The following TAGAP variants were observed in gnomAD, a reference collection of about 807,000 sequenced individuals.
TAGAP encodes T cell activation RhoGTPase activating protein.
A neutral mutation model predicts 36.0 loss-of-function variants in TAGAP; 16 were observed. The ratio of observed to expected loss-of-function variants is 0.44; its 90% CI spans 0.30 to 0.68. The LOEUF (loss-of-function observed/expected upper bound fraction) is 0.68. Among genes scored for constraint, TAGAP ranks in the 30% least tolerant of loss-of-function variants. The probability of loss-of-function intolerance (pLI) is 0.09; values close to 1 mark genes in which losing one functional copy is unlikely to be tolerated. For missense variants in TAGAP, 794 were observed against 921.5 expected (o/e 0.86, Z 1.79); for synonymous variants, 372 against 377.4 (o/e 0.99, Z 0.17).
At position 159,041,527 on chromosome 6, in the gene TAGAP, A is replaced by C; in HGVS notation, c.316-12T>G. On this transcript the variant is annotated splice_polypyrimidine_tract_variant and intron_variant, in intron 5 of 9. Coordinates refer to ENST00000367066, the MANE Select transcript of TAGAP (RefSeq NM_054114.5). The surrounding 1 kb of genome is among the most constrained non-coding windows in gnomAD (Gnocchi z 4.1). Reference sequence around the variant, plus strand: ...ATAGTGAGAATGTCCTAAAGGAAACAGCAATAGGAACAGGAAAGGGTTACC... The same window carrying C: ...ATAGTGAGAATGTCCTAAAGGAAACCGCAATAGGAACAGGAAAGGGTTACC... 1 of 1,612,224 alleles carries C rather than the reference A, an allele frequency of 6.2e-7. No homozygotes were observed. The highest frequency in any genetic ancestry group is 1.1e-5 in the South Asian group (1 of 90,908).
chr6:159,035,896 G>T lies in TAGAP; in HGVS notation c.2127C>A (p.Leu709=), dbSNP rs1562583369. 2.5e-6 allele frequency: 4 copies of T among 1,612,774 alleles called. No individual in the cohort carries two copies. The highest frequency in any genetic ancestry group is 3.4e-6 in the Non-Finnish European group (4 of 1,178,816). Residue 709 remains leucine (L), a synonymous_variant, in exon 10 of 10, where the codon CTC becomes CTA. Coordinates refer to ENST00000367066, the MANE Select transcript of TAGAP (RefSeq NM_054114.5). ...AGACCGGCTGGCTACATCGTCGCAC[G>T]AGACAGTCCCGCTTATTCCTCTGCA... ...ESVQRNKRDC[L]VRRCSQPVFE... is the part of the protein sequence containing the mutation.
At chr6:159,038,838 C>T in intron 8 of TAGAP, 1 of 1,244,884 alleles carries the variant, frequency 8.0e-7, no homozygotes, top group Non-Finnish European at 1.0e-6. Flanking sequence ...GTGTACAAAA[C>T]ACAAAAACAA....
chr6:159,037,090 G>C lies in TAGAP; in HGVS notation c.933C>G (p.Asp311Glu). 1 of 1,611,908 alleles carries C rather than the reference G, an allele frequency of 6.2e-7. No individual in the cohort carries two copies. Among genetic ancestry groups the C allele is most frequent in the Non-Finnish European group, 8.5e-7 (1 of 1,180,014 alleles). ...VSTLQNDSAY[D>E]SNDPDVESNS... ...TGGATTCCACATCAGGGTCGTTGCTGTCGTAGGCTGAGTCATTCTGCAGGG... is the reference window on the plus strand; with the variant it reads ...TGGATTCCACATCAGGGTCGTTGCTCTCGTAGGCTGAGTCATTCTGCAGGG... Residue 311 changes from aspartate to glutamate, a missense_variant, in exon 10 of 10, where the codon GAC becomes GAG. Coordinates refer to ENST00000367066, the MANE Select transcript of TAGAP (RefSeq NM_054114.5). The surrounding 1 kb of genome is among the most constrained non-coding windows in gnomAD (Gnocchi z 5.1).
At chr6:159,043,676 GT>G (rs1189343256) in intron 3 of TAGAP, 21 bp from the exon 4 acceptor site, 18 of 1,607,272 alleles carry the variant, frequency 1.1e-5, no homozygotes, top group Non-Finnish European at 1.5e-5. Context: ...TTTTATTTCA[GT>G]TAAATATAGT....
In TAGAP at chr6:159,036,747, C is replaced by T. The variant is rs935383311; in HGVS notation, c.1276G>A (p.Val426Ile). 12 of 1,614,184 alleles carry T rather than the reference C, an allele frequency of 7.4e-6. No individual in the cohort carries two copies. The highest frequency in any genetic ancestry group is 1.7e-5 in the Admixed American group (1 of 60,028). ...GTTTTGCCTTGCACTGCAGGGAAGA[C>T]CTCCTCTGGAAATGGGTCTTCAGCC... ...EEAEDPFPEE[V>I]FPAVQGKTKR... The change falls in exon 10 of 10, where the codon GTC becomes ATC. Residue 426 changes from valine to isoleucine, a missense_variant. Val to Ile is a conservative substitution (Grantham distance 29). Transcript: ENST00000367066. This position sits in a 1 kb window ranked among gnomAD's most constrained non-coding sequence, Gnocchi z 4.9.
Position 159,036,708 on chromosome 6 carries a change from C to A in TAGAP, c.1315G>T (p.Asp439Tyr). 1 of 1,614,200 alleles carries A rather than the reference C, an allele frequency of 6.2e-7. No individual in the cohort carries two copies. The highest frequency in any genetic ancestry group is 1.7e-5 in the Admixed American group (1 of 60,028). The change falls in exon 10 of 10, where the codon GAC (aspartate) becomes TAC (tyrosine). Residue 439 changes from aspartate (D) to tyrosine (Y), a missense_variant. Coordinates refer to ENST00000367066, the MANE Select transcript of TAGAP (RefSeq NM_054114.5). The surrounding 1 kb of genome is among the most constrained non-coding windows in gnomAD (Gnocchi z 4.9). The part of the protein sequence containing the change: ...AVQGKTKRPV[D>Y]LKIKNLAPGS... The stretch of plus-strand genomic sequence containing the variant: ...GGGGCCAAGTTCTTGATCTTCAGGT[C>A]CACCGGCCTCTTGGTTTTGCCTTGC...
chr6:159,039,460 C>T (rs1779671105), intron 7 of TAGAP, 151 bp from the exon 8 acceptor site: 2 of 823,102 alleles, frequency 2.4e-6, no homozygotes, highest in East Asian at 2.7e-5. Context: ...CAGACACTTC[C>T]AGTGGCAACT....
In TAGAP at chr6:159,040,723, T is replaced by A; in HGVS notation, c.587A>T (p.Gln196Leu). ...ATGACCGATGACTTTGATGACTTAC[T>A]GTTTCAGGGCCTCGATTCTGTCCTC... ...DEEDRIEALK[Q>L]VADKLPRPNL... The change falls in exon 7 of 10, where the codon CAG becomes CTG. Residue 196 changes from glutamine to leucine, a missense_variant and splice_region_variant. Gln to Leu is a moderately radical substitution (Grantham distance 113, BLOSUM62 -2). Coordinates refer to ENST00000367066, the MANE Select transcript of TAGAP (RefSeq NM_054114.5). The A allele has an allele frequency of 6.2e-7, 1 of 1,613,734 alleles. No individual in the cohort carries two copies. The highest frequency in any genetic ancestry group is 8.5e-7 in the Non-Finnish European group (1 of 1,179,640).
At position 159,043,668 on chromosome 6, in the gene TAGAP, T is replaced by C. The variant is rs1779836262; in HGVS notation, c.82-13A>G. 3.1e-6 allele frequency: 5 copies of C among 1,612,642 alleles called. No individual in the cohort carries two copies. Among genetic ancestry groups the C allele is most frequent in the Non-Finnish European group, 4.2e-6 (5 of 1,178,866 alleles). ...CCTTGATATCACCCTAAAAACATTT[T>C]TATTTCAGTTAAATATAGTGACTGA... On this transcript the variant is annotated splice_polypyrimidine_tract_variant and intron_variant, in intron 3 of 9. Coordinates refer to ENST00000367066, the MANE Select transcript of TAGAP (RefSeq NM_054114.5).
chr6:159,042,635 T>A (rs1253845484), intron 4 of TAGAP: 10 of 165,450 alleles, frequency 6.0e-5, no homozygotes. Flanking sequence ...TAGATTATTT[T>A]GATTTCCTCC....
Position 159,044,198 on chromosome 6 carries a change from C to CAG in TAGAP, c.-53_-52insCT. 1 of 1,599,150 alleles carries CAG rather than the reference C, an allele frequency of 6.3e-7. No individual in the cohort carries two copies. Among genetic ancestry groups the CAG allele is most frequent in the Non-Finnish European group, 8.5e-7 (1 of 1,174,612 alleles). ...TGGATTTCACTCCCGTGTGGCTGTG[C>CAG]CTCTGTCTACAACGAATCACATGGA... On this transcript the variant is annotated 5_prime_UTR_variant, in exon 2 of 10. Transcript: ENST00000367066.
In TAGAP at chr6:159,038,897, C is replaced by T. The variant is rs577050739; in HGVS notation, c.783+217G>A. 41 of 1,410,692 alleles carry T rather than the reference C, an allele frequency of 2.9e-5. No individual in the cohort carries two copies. The East Asian group carries it at 1.0e-3, about 34-fold the overall frequency. 87.4% of individuals were successfully genotyped at this position (1,410,692 alleles called of 1,614,324 possible). On this transcript the variant is annotated intron_variant, in intron 8 of 9. Transcript: ENST00000367066. ...GAGTGATGTAAATACTCGCAGCACT[C>T]ATCTGTCTCACAGATGACAGAAGAC...
intron 8 of TAGAP, chr6:159,038,892 G>A: frequency 1.0e-5 from 14 of 1,404,062 alleles, no homozygotes; most frequent in Non-Finnish European, 1.2e-5. Context: ...AATACTCGCA[G>A]CACTCATCTG....
Position 159,041,253 on chromosome 6 carries a change from G to A in TAGAP, c.477+101C>T. ...AAAAAAATTAAACTCCAAGATCAGT[G>A]TACCTTGCTGTGTGGGGAGAAGAGC... is the stretch of plus-strand genomic sequence containing the variant. On this transcript the variant is annotated intron_variant, in intron 6 of 9. Coordinates refer to ENST00000367066, the MANE Select transcript of TAGAP (RefSeq NM_054114.5). This position sits in a 1 kb window ranked among gnomAD's most constrained non-coding sequence, Gnocchi z 4.1. 1 of 1,419,816 alleles carries A rather than the reference G, an allele frequency of 7.0e-7. No individual in the cohort carries two copies. The highest frequency in any genetic ancestry group is 9.6e-7 in the Non-Finnish European group (1 of 1,040,054). The allele number at this position is 1,419,816 out of a possible 1,614,324, so 88.0% of individuals were successfully genotyped here.
In TAGAP at chr6:159,043,960, TA is replaced by T; in HGVS notation, c.81+17del. 1.9e-6 allele frequency: 3 copies of T among 1,609,752 alleles called. No individual in the cohort carries two copies. The highest frequency in any genetic ancestry group is 2.5e-6 in the Non-Finnish European group (3 of 1,177,046). ...TTCTCACAGTACAGATAAAAAGTCT[TA>T]AAAATTGCTTTCTTACCTCTGATTG... On this transcript the variant is annotated intron_variant, in intron 3 of 9. Transcript: ENST00000367066.
At position 159,039,170 on chromosome 6, in the gene TAGAP, T is replaced by G; in HGVS notation, c.727A>C (p.Thr243Pro). 4 of 1,614,158 alleles carry G rather than the reference T, an allele frequency of 2.5e-6. No individual in the cohort carries two copies. The highest frequency in any genetic ancestry group is 3.4e-6 in the Non-Finnish European group (4 of 1,180,040). ...GACAGGCTCTGGTCATTCTCCAGGG[T>G]GAGCATGTTGGGTCCAATGCAGATG... ...LAICIGPNML[T>P]LENDQSLSFE... The change falls in exon 8 of 10, where the codon ACC becomes CCC. Residue 243 changes from threonine (T) to proline (P), a missense_variant. Thr to Pro is a conservative substitution (Grantham distance 38). Coordinates refer to ENST00000367066, the MANE Select transcript of TAGAP (RefSeq NM_054114.5).
chr6:159,036,875 G>C lies in TAGAP; in HGVS notation c.1148C>G (p.Ser383Cys). The C allele has an allele frequency of 6.2e-7, 1 of 1,614,234 alleles. No individual in the cohort carries two copies. The highest frequency in any genetic ancestry group is 8.5e-7 in the Non-Finnish European group (1 of 1,180,040). ...DRRYSEPSMP[S>C]SQECLESRVT... ...CCGGCTCTCGAGGCACTCCTGGGAG[G>C]ATGGCATGCTGGGCTCTGAGTATCT... The change falls in exon 10 of 10, where the codon TCC (serine) becomes TGC (cysteine). Residue 383 changes from serine to cysteine, a missense_variant. By Grantham distance (112) the Ser-to-Cys change is moderately radical (BLOSUM62 -1). Transcript: ENST00000367066. This position sits in a 1 kb window ranked among gnomAD's most constrained non-coding sequence, Gnocchi z 4.9.
chr6:159,039,416 G>T, intron 7 of TAGAP, 107 bp from the exon 8 acceptor site: 2 of 1,177,826 alleles, frequency 1.7e-6, no homozygotes, highest in Non-Finnish European at 2.4e-6. Context: ...TGAGGAAGGT[G>T]CATTTTCACA....
chr6:159,038,240 A>G lies in TAGAP; in HGVS notation c.784-12T>C. 1 of 1,413,342 alleles carries G rather than the reference A, an allele frequency of 7.1e-7. No individual in the cohort carries two copies. The highest frequency in any genetic ancestry group is 9.9e-7 in the Non-Finnish European group (1 of 1,006,872). The allele number at this position is 1,413,342 out of a possible 1,614,324, so 87.6% of individuals were successfully genotyped here. The stretch of plus-strand genomic sequence containing the variant: ...ACCAGTGTCTTCACCTGTGAGGAAA[A>G]GTAAGCAATTTGTCAGCTTGAAGAC... On this transcript the variant is annotated splice_polypyrimidine_tract_variant and intron_variant, in intron 8 of 9. Coordinates refer to ENST00000367066, the MANE Select transcript of TAGAP (RefSeq NM_054114.5).
Sources: allele counts gnomAD v4.1 joint callset, GRCh38; gene constraint gnomAD v4.1.1; non-coding constraint Gnocchi (gnomAD v3.1); transcripts MANE v1.5; gene names NCBI Gene and HGNC (gene_info 2026-07-23, HGNC 2026-07-21).